The following NEDD4L variants were observed in gnomAD, a reference collection of about 807,000 sequenced individuals.
NEDD4L encodes E3 ubiquitin-protein ligase NEDD4-like.
Under a neutral mutation model 148.9 loss-of-function variants are expected in NEDD4L, and 54 were observed. That is an observed-to-expected ratio of 0.36 (90% CI 0.29 to 0.45). The LOEUF (loss-of-function observed/expected upper bound fraction) is 0.45. Ranked by LOEUF, NEDD4L falls within the 20% of genes least tolerant of loss-of-function variation. The pLI is 1.00. For missense variants in NEDD4L, 856 were observed against 1,233.8 expected, an observed-to-expected ratio of 0.69 and a Z score of 4.59; for synonymous variants, 433 against 440.7, an observed-to-expected ratio of 0.98 and a Z score of 0.22.
intron 6 of NEDD4L, among the ~76,000 whole-genome samples, chr18:58,317,119 A>G (rs566352406): frequency 2.0e-5 from 3 of 152,364 alleles, no homozygotes; most frequent in African/African-American, 7.2e-5. Flanking sequence ...CTGTTAAGGA[A>G]GAAAGTCGCA....
At position 58,263,676 on chromosome 18, in the gene NEDD4L, TTTC is replaced by T. The variant is rs869258756; in HGVS notation, c.297+11624_297+11626del. 7.6e-3 allele frequency among the ~76,000 whole-genome samples: 1,099 copies of T among 145,148 alleles called. 41 individuals are homozygous for T. Among genetic ancestry groups the T allele is most frequent in the Admixed American group, 0.06 (862 of 14,260 alleles). ...CTTCTTAGGCTTTTTTTTTTTTTTT[TTTC>T]TCTCTCTCATGTTCTTTTCAAATGC... On this transcript the variant is annotated intron_variant, in intron 5 of 30. Transcript: ENST00000400345.
rs59608519 is a variant in NEDD4L, at chr18:58,214,607, TTGTGTGTGTGTGTGTG to T, written c.123-30798_123-30783del. Reference sequence around the variant, plus strand: ...ATTCCATAAACATTAGCTGCTCGGTTTGTGTGTGTGTGTGTGTGTGTGTGTGTGTGTGTGTGTTTTG... The same window carrying T: ...ATTCCATAAACATTAGCTGCTCGGTTTGTGTGTGTGTGTGTGTGTGTTTTG... On this transcript the variant is annotated intron_variant, in intron 2 of 30. Transcript: ENST00000400345. Among the ~76,000 whole-genome samples the T allele has an allele frequency of 7.6e-4, 111 of 145,420 alleles. No individual in the cohort carries two copies. The East Asian group carries it at 0.012, about 16-fold the overall frequency.
intron 2 of NEDD4L, among the ~76,000 whole-genome samples, chr18:58,207,523 T>C (rs1599708642): frequency 6.6e-6 from 1 of 152,084 alleles, no homozygotes; most frequent in Non-Finnish European, 1.5e-5. Flanking sequence ...TATATGAAGG[T>C]ACTTGGGCTG....
At chr18:58,348,245 G>A (rs1276656379) in intron 16 of NEDD4L, among the ~76,000 whole-genome samples, 5 of 151,154 alleles carry the variant, frequency 3.3e-5, no homozygotes, top group Non-Finnish European at 5.9e-5. Flanking sequence ...CAGTCCTCCC[G>A]CCTTGGCCTC....
At chr18:58,252,301 G>T (rs2048029220) in intron 5 of NEDD4L, among the ~76,000 whole-genome samples, 1 of 152,192 alleles carries the variant, frequency 6.6e-6, no homozygotes, top group Non-Finnish European at 1.5e-5. Flanking sequence ...GAAAGCCACT[G>T]GTGATAGTAC....
intron 9 of NEDD4L, among the ~76,000 whole-genome samples, chr18:58,326,857 T>C (rs1312726859): frequency 6.6e-6 from 1 of 152,230 alleles, no homozygotes; most frequent in Admixed American, 6.5e-5. Flanking sequence ...AACGAGGGAA[T>C]TCTTGAGAAA....
chr18:58,200,700 G>C (rs1432119481), intron 2 of NEDD4L, among the ~76,000 whole-genome samples: 1 of 152,216 alleles, frequency 6.6e-6, no homozygotes, highest in Non-Finnish European at 1.5e-5. Flanking sequence ...AGAGGGGCCA[G>C]TATGAAAAGC....
intron 2 of NEDD4L, among the ~76,000 whole-genome samples, chr18:58,219,521 A>G (rs1207492860): frequency 6.6e-6 from 1 of 152,222 alleles, no homozygotes; most frequent in Non-Finnish European, 1.5e-5. Flanking sequence ...TTGTTTTCTC[A>G]GGGCTCTGGA....
At chr18:58,389,284 C>T (rs2146931945) in intron 28 of NEDD4L, 92 bp downstream of exon 28, 1 of 888,342 alleles carries the variant, frequency 1.1e-6, no homozygotes. Flanking sequence ...GACTTCAGGA[C>T]TGATGCTGGC....
At chr18:58,046,218 A>T (rs571268069) in intron 1 of NEDD4L, 5 of 152,148 alleles carry the variant, frequency 3.3e-5, no homozygotes, top group Non-Finnish European at 7.4e-5. Flanking sequence ...CTACCTGGGG[A>T]TAGGTGACAG....
intron 1 of NEDD4L, chr18:58,047,447 C>T: frequency 7.1e-6 from 7 of 984,796 alleles, no homozygotes; most frequent in Non-Finnish European, 8.4e-6. Context: ...ACGGGGATGC[C>T]AAAGCACAGG....
At chr18:58,143,305 G>A (rs1285021692) in intron 1 of NEDD4L, among the ~76,000 whole-genome samples, 1 of 152,314 alleles carries the variant, frequency 6.6e-6, no homozygotes, top group Middle Eastern at 3.4e-3. Context: ...CTCACAGCAT[G>A]ACATTGGAAT....
intron 5 of NEDD4L, 111 bp downstream of exon 5, chr18:58,252,165 C>T: frequency 2.8e-6 from 2 of 724,024 alleles, no homozygotes. Flanking sequence ...GTATATGTGC[C>T]CAAAAAGAAG....
intron 1 of NEDD4L, among the ~76,000 whole-genome samples, chr18:58,089,363 G>A (rs890925501): frequency 6.6e-6 from 1 of 152,014 alleles, no homozygotes; most frequent in African/African-American, 2.4e-5. Context: ...TTGAACTCCT[G>A]ACCTCAGGTG....
At chr18:58,353,227 A>G (rs1193880502) in intron 18 of NEDD4L, among the ~76,000 whole-genome samples, 2 of 152,066 alleles carry the variant, frequency 1.3e-5, no homozygotes, top group East Asian at 3.9e-4. Flanking sequence ...GCTTTTCCTT[A>G]CTCCTGATCA....
At chr18:58,383,362 A>T in intron 25 of NEDD4L, 43 bp downstream of exon 25, 1 of 1,099,276 alleles carries the variant, frequency 9.1e-7, no homozygotes, top group Non-Finnish European at 1.4e-6. Context: ...GAATAATTGA[A>T]ATGCATGTTT....
intron 8 of NEDD4L, 49 bp from the exon 9 acceptor site, chr18:58,324,947 A>G (rs1343925289): frequency 6.4e-7 from 1 of 1,558,396 alleles, no homozygotes; most frequent in Non-Finnish European, 8.7e-7. Context: ...CCTCTTACTC[A>G]CAGCCGAAGA....
chr18:58,236,619 G>A (rs2046052684), intron 2 of NEDD4L, among the ~76,000 whole-genome samples: 1 of 152,210 alleles, frequency 6.6e-6, no homozygotes, highest in Non-Finnish European at 1.5e-5. Flanking sequence ...AGGGATGAGC[G>A]ATGATGTCTC....
chr18:58,084,674 TG>T (rs1568193703), intron 1 of NEDD4L, among the ~76,000 whole-genome samples: 7 of 138,572 alleles, frequency 5.1e-5, no homozygotes, highest in African/African-American at 2.1e-4. Flanking sequence ...GGGGTTTTTG[TG>T]TGTGTGTGTG....
Sources: gnomAD v4.1 joint callset for allele counts (sites outside exome capture counted in the v4.1 genomes callset) on GRCh38, gnomAD v4.1.1 for gene constraint, MANE v1.5 for transcripts, NCBI Gene and HGNC (gene_info 2026-07-23, HGNC 2026-07-21) for gene names.